Variants in CADPS2 observed in about 807,000 individuals in gnomAD.
CADPS2 encodes the protein calcium-dependent secretion activator 2.
Under a neutral mutation model 172.5 loss-of-function variants are expected in CADPS2, and 93 were observed. The ratio of observed to expected loss-of-function variants is 0.54; its 90% CI spans 0.46 to 0.64. The LOEUF is 0.64. Ranked by LOEUF, CADPS2 falls within the 30% of genes least tolerant of loss-of-function variation. The pLI, the probability that CADPS2 is intolerant of heterozygous loss-of-function variation, is 0.00. For missense variants in CADPS2, 1,420 were observed against 1,565.9 expected, an observed-to-expected ratio of 0.91 and a Z score of 1.57; for synonymous variants, 546 against 555.2, an observed-to-expected ratio of 0.98 and a Z score of 0.23.
intron 15 of CADPS2, among the ~76,000 whole-genome samples, chr7:122,447,064 A>G (rs1181100971): frequency 1.0e-5 from 1 of 98,460 alleles, no homozygotes; most frequent in Admixed American, 1.4e-4. Context: ...TTTTGACCAC[A>G]TTCCCCCACT....
At chr7:122,822,823 A>AC (rs1042788014) in intron 1 of CADPS2, among the ~76,000 whole-genome samples, 2 of 150,566 alleles carry the variant, frequency 1.3e-5, no homozygotes, top group Non-Finnish European at 3.0e-5. Context: ...CCGCCAGAGA[A>AC]CCCCCCTTTG....
At chr7:122,692,691 G>T (rs1407960830) in intron 2 of CADPS2, among the ~76,000 whole-genome samples, 4 of 152,206 alleles carry the variant, frequency 2.6e-5, no homozygotes, top group Non-Finnish European at 5.9e-5. Context: ...TACACCAAAC[G>T]TCATGCCCAG....
chr7:122,634,942 T>A (rs867945650), intron 3 of CADPS2, among the ~76,000 whole-genome samples: 7 of 152,182 alleles, frequency 4.6e-5, no homozygotes, highest in Admixed American at 2.6e-4. Context: ...TTGTTTAATT[T>A]CCATGTTTAT....
At position 122,342,676 on chromosome 7, in the gene CADPS2, A is replaced by G. The variant is rs558794391; in HGVS notation, c.3612+2898T>C. Among the ~76,000 whole-genome samples the G allele has an allele frequency of 1.7e-3, 264 of 152,254 alleles. 1 individual carries two copies. The highest frequency in any genetic ancestry group is 0.013 in the South Asian group (63 of 4,824). On this transcript the variant is annotated intron_variant, in intron 28 of 29. Coordinates refer to ENST00000449022, the MANE Select transcript of CADPS2 (RefSeq NM_017954.11). ...AAGCCCTCATGTTGCATGACCCAGA[A>G]ACTGTAGCCCTTGTTTTCTAATCTG... is the stretch of plus-strand genomic sequence containing the variant.
intron 28 of CADPS2, among the ~76,000 whole-genome samples, chr7:122,343,505 G>A (rs1057469453): frequency 1.3e-5 from 2 of 152,192 alleles, no homozygotes. Context: ...AGTGAATGAA[G>A]AGGAGTTGGA....
intron 1 of CADPS2, among the ~76,000 whole-genome samples, chr7:122,778,705 G>T (rs2139316310): frequency 6.6e-6 from 1 of 152,376 alleles, no homozygotes; most frequent in Non-Finnish European, 1.5e-5. Context: ...AGCCTTGGCA[G>T]CTTCTGTGTG....
intron 4 of CADPS2, among the ~76,000 whole-genome samples, 190 bp from the exon 5 acceptor site, chr7:122,621,907 A>G (rs959158615): frequency 6.6e-6 from 1 of 152,180 alleles, no homozygotes; most frequent in Non-Finnish European, 1.5e-5. Flanking sequence ...GGTACTTCAG[A>G]TATCTTATTG....
chr7:122,593,821 A>C (rs1338479854), intron 6 of CADPS2, among the ~76,000 whole-genome samples: 1 of 152,050 alleles, frequency 6.6e-6, no homozygotes, highest in Admixed American at 6.6e-5. Flanking sequence ...TGAGAATCTG[A>C]GGAGAGGAAG....
In CADPS2 at chr7:122,351,298, A is replaced by G. The variant is rs976378822; in HGVS notation, c.3505-5617T>C. ...TGAGGCAGGACAACAGCATGAACCC[A>G]GGAGGCAGAGCTTGCAGTGAGCCAA... is the stretch of plus-strand genomic sequence containing the variant. On this transcript the variant is annotated intron_variant, in intron 27 of 29. Coordinates refer to ENST00000449022, the MANE Select transcript of CADPS2 (RefSeq NM_017954.11). Among the ~76,000 whole-genome samples, 6 of 143,088 alleles carry G rather than the reference A, an allele frequency of 4.2e-5. No homozygotes were observed. The South Asian group carries it at 9.5e-4, about 23-fold the overall frequency. 93.9% of individuals were successfully genotyped at this position (143,088 alleles called of 152,430 possible).
intron 2 of CADPS2, chr7:122,702,472 G>T (rs2086302179): frequency 6.2e-7 from 1 of 1,613,704 alleles, no homozygotes; most frequent in African/African-American, 1.3e-5. Flanking sequence ...GTTTGGGCCT[G>T]CTGAAATTGG....
intron 27 of CADPS2, among the ~76,000 whole-genome samples, chr7:122,357,840 T>C (rs1585235160): frequency 6.6e-6 from 1 of 152,172 alleles, no homozygotes; most frequent in Non-Finnish European, 1.5e-5. Flanking sequence ...TAGAATTACA[T>C]TGTATGGACG....
rs114727369 is a variant in CADPS2 at position 122,528,938 on chromosome 7, T to A, written c.1476-15623A>T. On this transcript the variant is annotated intron_variant, in intron 8 of 29. Coordinates refer to ENST00000449022, the MANE Select transcript of CADPS2 (RefSeq NM_017954.11). ...TCCTTTTAACCTTTTCTTTTTACAT[T>A]TTTGAAAAAGAAAATGTGTTGAAAA... 1.5e-3 allele frequency among the ~76,000 whole-genome samples: 231 copies of A among 152,230 alleles called. 2 individuals are homozygous for A. Among genetic ancestry groups the A allele is most frequent in the African/African-American group, 5.2e-3 (218 of 41,584 alleles).
intron 1 of CADPS2, among the ~76,000 whole-genome samples, chr7:122,874,836 A>C (rs1820788193): frequency 6.6e-6 from 1 of 152,210 alleles, no homozygotes; most frequent in Non-Finnish European, 1.5e-5. Context: ...CATATGCAGG[A>C]AACTGAAACT....
chr7:122,840,134 A>C (rs1055761589), intron 1 of CADPS2, among the ~76,000 whole-genome samples: 1 of 152,200 alleles, frequency 6.6e-6, no homozygotes, highest in Non-Finnish European at 1.5e-5. Context: ...TTGTAGGGAC[A>C]TGGATGAAGC....
chr7:122,581,268 T>A lies in CADPS2; in HGVS notation c.1246A>T (p.Thr416Ser). 1 of 1,613,030 alleles carries A rather than the reference T, an allele frequency of 6.2e-7. No individual in the cohort carries two copies. The highest frequency in any genetic ancestry group is 8.5e-7 in the Non-Finnish European group (1 of 1,179,262). ...RPQWGTQGDF[T>S]TTHPRPVVKV... Reference sequence around the variant, plus strand: ...ACCACAGGCCGAGGATGGGTGGTGGTGAAATCTCCTTGAGTCCCCCATCTG... The same window carrying A: ...ACCACAGGCCGAGGATGGGTGGTGGAGAAATCTCCTTGAGTCCCCCATCTG... Residue 416 changes from threonine (T) to serine (S), a missense_variant, in exon 7 of 30, where the codon ACC becomes TCC. Transcript: ENST00000449022.
At chr7:122,748,883 G>A (rs1023024229) in intron 1 of CADPS2, among the ~76,000 whole-genome samples, 26 of 152,120 alleles carry the variant, frequency 1.7e-4, no homozygotes, top group Middle Eastern at 3.4e-3. Flanking sequence ...AAGGGGGTGG[G>A]GGAGGGATTA....
At chr7:122,443,763 G>T (rs547880053) in intron 15 of CADPS2, among the ~76,000 whole-genome samples, 43 of 138,598 alleles carry the variant, frequency 3.1e-4, no homozygotes, top group African/African-American at 1.1e-3. Context: ...TGATTCTTTT[G>T]GTATTTAAAC....
chr7:122,578,136 G>T (rs1000033100), intron 7 of CADPS2, among the ~76,000 whole-genome samples: 2 of 150,256 alleles, frequency 1.3e-5, no homozygotes, highest in African/African-American at 4.9e-5. Context: ...ATATACTTTT[G>T]TATATACTTA....
intron 8 of CADPS2, among the ~76,000 whole-genome samples, chr7:122,549,626 A>T (rs532012708): frequency 1.3e-5 from 2 of 151,632 alleles, no homozygotes; most frequent in African/African-American, 4.8e-5. Flanking sequence ...GTCTTAAAAA[A>T]AAAAGATTAG....
Sources: gnomAD v4.1 joint callset for allele counts (sites outside exome capture counted in the v4.1 genomes callset) on GRCh38, gnomAD v4.1.1 for gene constraint, MANE v1.5 for transcripts, NCBI Gene and HGNC (gene_info 2026-07-23, HGNC 2026-07-21) for gene names.